The following ROBO2 variants were observed in gnomAD, a reference collection of about 807,000 sequenced individuals.
ROBO2 encodes roundabout homolog 2.
In ROBO2, 53 loss-of-function variants were observed where a neutral mutation model predicts 160.8. The ratio of observed to expected loss-of-function variants is 0.33; its 90% CI spans 0.26 to 0.41. The LOEUF is 0.41. Among genes scored for constraint, ROBO2 ranks in the 10% least tolerant of loss-of-function variants. The pLI, the probability that ROBO2 is intolerant of heterozygous loss-of-function variation, is 1.00. For synonymous variants in ROBO2, 664 were observed against 611.7 expected (o/e 1.09, Z -1.26); for missense variants, 1,577 against 1,722.4 (o/e 0.92, Z 1.49).
At chr3:77,581,213 A>T (rs1358123645) in intron 16 of ROBO2, among the ~76,000 whole-genome samples, 1 of 152,142 alleles carries the variant, frequency 6.6e-6, no homozygotes, top group Non-Finnish European at 1.5e-5. Context: ...TACATTCTGG[A>T]TACAAATTCT....
At chr3:76,162,238 C>T (rs1320847890) in intron 2 of ROBO2, among the ~76,000 whole-genome samples, 1 of 152,168 alleles carries the variant, frequency 6.6e-6, no homozygotes, top group Non-Finnish European at 1.5e-5. Flanking sequence ...CAGTTAAGAG[C>T]AAGAACTCAA....
chr3:77,528,866 G>T (rs1458477498), intron 6 of ROBO2, among the ~76,000 whole-genome samples: 1 of 151,584 alleles, frequency 6.6e-6, no homozygotes. Context: ...GAAAATTGAA[G>T]AATATATTGT....
intron 2 of ROBO2, among the ~76,000 whole-genome samples, chr3:76,907,132 T>C (rs1374167892): frequency 6.6e-6 from 1 of 152,150 alleles, no homozygotes; most frequent in Non-Finnish European, 1.5e-5. Flanking sequence ...AATGAATGAA[T>C]GGATGGATGA....
intron 2 of ROBO2, chr3:76,434,026 C>T: frequency 8.3e-7 from 1 of 1,203,000 alleles, no homozygotes; most frequent in Non-Finnish European, 1.2e-6. Context: ...TTATGGCTGA[C>T]ATGCAAAATC....
At chr3:77,438,539 T>TACACAC (rs77955703) in intron 2 of ROBO2, among the ~76,000 whole-genome samples, 58 of 147,276 alleles carry the variant, frequency 3.9e-4, no homozygotes, top group African/African-American at 1.1e-3. Flanking sequence ...GAGAAGGGGA[T>TACACAC]ACACACACAC....
At chr3:77,209,486 C>T (rs17820980) in intron 2 of ROBO2, among the ~76,000 whole-genome samples, 33,306 of 152,078 alleles carry the variant, frequency 0.22, 3,905 homozygotes, top group Middle Eastern at 0.33. Flanking sequence ...TAGGCACACA[C>T]TCCACTTTAT....
chr3:77,247,303 G>A (rs1204971883), intron 2 of ROBO2, among the ~76,000 whole-genome samples: 2 of 152,202 alleles, frequency 1.3e-5, no homozygotes, highest in Non-Finnish European at 2.9e-5. Context: ...GAGGTGGCAA[G>A]AGTAGGTTGT....
intron 2 of ROBO2, among the ~76,000 whole-genome samples, chr3:76,576,668 T>C (rs2085309198): frequency 1.3e-5 from 2 of 150,618 alleles, no homozygotes; most frequent in South Asian, 4.2e-4. Context: ...TTGTGTTTTG[T>C]TTATTATTTT....
At chr3:77,318,013 GTTAT>G (rs917675810) in intron 2 of ROBO2, among the ~76,000 whole-genome samples, 15 of 149,766 alleles carry the variant, frequency 1.0e-4, no homozygotes, top group African/African-American at 1.5e-4. Context: ...TTTATTTTAT[GTTAT>G]TTATTTATTT....
At chr3:77,070,425 T>G (rs1182645966) in intron 1 of ROBO2, among the ~76,000 whole-genome samples, 1 of 152,130 alleles carries the variant, frequency 6.6e-6, no homozygotes, top group Non-Finnish European at 1.5e-5. Flanking sequence ...TGTGCGTGTG[T>G]GTGTCTTTTT....
chr3:76,884,943 A>T (rs1268277914), intron 2 of ROBO2, among the ~76,000 whole-genome samples: 1 of 152,076 alleles, frequency 6.6e-6, no homozygotes, highest in Non-Finnish European at 1.5e-5. Flanking sequence ...CAGAGGAGAG[A>T]TGGTTAATCT....
intron 2 of ROBO2, among the ~76,000 whole-genome samples, chr3:76,401,059 A>T (rs1205080585): frequency 6.6e-6 from 1 of 151,500 alleles, no homozygotes; most frequent in Non-Finnish European, 1.5e-5. Flanking sequence ...GAGATTTTGC[A>T]TTGGTCAAAA....
intron 2 of ROBO2, among the ~76,000 whole-genome samples, chr3:76,652,216 G>A (rs1309969229): frequency 6.6e-6 from 1 of 152,170 alleles, no homozygotes; most frequent in Non-Finnish European, 1.5e-5. Context: ...TTCTATCAGA[G>A]GTAGTAGCTG....
intron 24 of ROBO2, among the ~76,000 whole-genome samples, chr3:77,641,674 C>A (rs935672239): frequency 6.6e-6 from 1 of 151,814 alleles, no homozygotes; most frequent in African/African-American, 2.4e-5. Context: ...TTTACAATAG[C>A]ATGCAAGAAA....
chr3:76,889,274 C>T (rs2074156160), intron 2 of ROBO2, among the ~76,000 whole-genome samples: 1 of 152,064 alleles, frequency 6.6e-6, no homozygotes, highest in Non-Finnish European at 1.5e-5. Flanking sequence ...CTCAAAGTAA[C>T]TCATAAAAAA....
chr3:76,560,380 T>C (rs934547580), intron 2 of ROBO2, among the ~76,000 whole-genome samples: 1 of 152,092 alleles, frequency 6.6e-6, no homozygotes. Flanking sequence ...CCTTCAACTA[T>C]AATTTGAAAA....
At chr3:76,974,611 A>T (rs1329101112) in intron 2 of ROBO2, among the ~76,000 whole-genome samples, 1 of 152,162 alleles carries the variant, frequency 6.6e-6, no homozygotes, top group African/African-American at 2.4e-5. Context: ...CTTTTCTGAC[A>T]CAGCCTCCTA....
chr3:75,962,518 C>T (rs1948954752), intron 2 of ROBO2, among the ~76,000 whole-genome samples: 1 of 151,736 alleles, frequency 6.6e-6, no homozygotes, highest in Admixed American at 6.6e-5. Flanking sequence ...CTGAAGTCAA[C>T]ACTAAAAAGC....
At chr3:76,789,673 A>T (rs1184029761) in intron 2 of ROBO2, among the ~76,000 whole-genome samples, 3 of 151,736 alleles carry the variant, frequency 2.0e-5, no homozygotes, top group African/African-American at 4.8e-5. Context: ...GCCTTACTCA[A>T]ATCAATGTAG....
Sources: gnomAD v4.1 joint callset for allele counts (sites outside exome capture counted in the v4.1 genomes callset) on GRCh38, gnomAD v4.1.1 for gene constraint, MANE v1.5 for transcripts, NCBI Gene and HGNC (gene_info 2026-07-23, HGNC 2026-07-21) for gene names.